ADK: variants seen among roughly 807,000 people sequenced by gnomAD.
ADK encodes adenosine kinase, also known as N6,N6-dimethyladenosine kinase.
A neutral mutation model predicts 44.7 loss-of-function variants in ADK; 24 were observed. The observed-to-expected ratio is 0.54, with a 90% CI of 0.39 to 0.76. The LOEUF (loss-of-function observed/expected upper bound fraction) is 0.76, where lower values mean the gene tolerates loss of function less well. ADK is among the 30% of genes least tolerant of loss of function. The pLI, the probability that ADK is intolerant of heterozygous loss-of-function variation, is 0.00. For missense variants in ADK, 321 were observed against 425.1 expected (o/e 0.76, Z 2.15); for synonymous variants, 128 against 142.6 (o/e 0.90, Z 0.73).
chr10:74,254,744 GT>G (rs1845764478), intron 3 of ADK, among the ~76,000 whole-genome samples: 1 of 151,904 alleles, frequency 6.6e-6, no homozygotes, highest in South Asian at 2.1e-4. Flanking sequence ...TTCTTTTTTT[GT>G]GTGTTTTTCC....
intron 4 of ADK, chr10:74,371,629 TC>T (rs1325730415): frequency 4.6e-5 from 46 of 1,007,354 alleles, no homozygotes; most frequent in East Asian, 1.9e-4. Context: ...AATCTTGACT[TC>T]CAGATGGAAC....
At chr10:74,559,755 T>G (rs1036005040) in intron 7 of ADK, among the ~76,000 whole-genome samples, 1 of 152,194 alleles carries the variant, frequency 6.6e-6, no homozygotes, top group Non-Finnish European at 1.5e-5. Flanking sequence ...TATCTTTTCA[T>G]ATTATAGTGC....
chr10:74,491,189 T>C (rs1214153071), intron 6 of ADK, among the ~76,000 whole-genome samples: 3 of 152,144 alleles, frequency 2.0e-5, no homozygotes, highest in African/African-American at 7.2e-5. Context: ...CAGTGTCTTA[T>C]AGGTGGAAGA....
At chr10:74,423,941 AT>A in intron 6 of ADK, 1 of 208,930 alleles carries the variant, frequency 4.8e-6, no homozygotes, top group Non-Finnish European at 1.0e-5. Context: ...ACAAGGCTGG[AT>A]TTGGCCACCA....
At chr10:74,455,323 G>A (rs977336243) in intron 6 of ADK, among the ~76,000 whole-genome samples, 1 of 151,912 alleles carries the variant, frequency 6.6e-6, no homozygotes, top group African/African-American at 2.4e-5. Flanking sequence ...GGGCAACATA[G>A]CAAGACCCCA....
intron 9 of ADK, among the ~76,000 whole-genome samples, chr10:74,610,487 G>A (rs564112584): frequency 1.3e-5 from 2 of 152,202 alleles, no homozygotes; most frequent in South Asian, 2.1e-4. Context: ...GTAAAGATGG[G>A]TAGTGATAAT....
Position 74,356,002 on chromosome 10 carries a change from A to ATATTT in ADK, c.274-38138_274-38137insATTTT, listed in dbSNP as rs57958159. On this transcript the variant is annotated intron_variant, in intron 4 of 10. Coordinates refer to ENST00000539909, the MANE Select transcript of ADK (RefSeq NM_006721.4). ...TCTGAAATATTTCACTAAATAATTC[A>ATATTT]TTTTTTTTTTTTTTTTTTTTTTTTT... Among the ~76,000 whole-genome samples, 18 of 83,296 alleles carry ATATTT rather than the reference A, an allele frequency of 2.2e-4. 3 individuals carry two copies. Among genetic ancestry groups the ATATTT allele is most frequent in the African/African-American group, 8.2e-4 (16 of 19,608 alleles). The allele number at this position is 83,296 out of a possible 152,430, so 54.6% of individuals were successfully genotyped here. A position where few individuals can be genotyped will look rare whatever the true frequency, so the allele number is the denominator to read the frequency against.
intron 9 of ADK, 70 bp from the exon 10 acceptor site, chr10:74,670,113 G>A (rs1855114529): frequency 6.6e-6 from 8 of 1,209,542 alleles, no homozygotes; most frequent in South Asian, 6.1e-5. Flanking sequence ...AGCTTCAGAT[G>A]TTACTGGGTG....
intron 3 of ADK, among the ~76,000 whole-genome samples, chr10:74,278,364 AT>A (rs1353212721): frequency 6.0e-5 from 7 of 116,880 alleles, no homozygotes; most frequent in African/African-American, 2.1e-4. Flanking sequence ...AAAAAAAAAA[AT>A]TAAAAAAAAA....
At chr10:74,154,631 C>T (rs746007340) in intron 1 of ADK, among the ~76,000 whole-genome samples, 15 of 152,094 alleles carry the variant, frequency 9.9e-5, no homozygotes, top group Non-Finnish European at 1.6e-4. Flanking sequence ...TCTGACATTT[C>T]GAAGTCATAT....
At chr10:74,176,552 T>G in intron 1 of ADK, 1 of 1,308,574 alleles carries the variant, frequency 7.6e-7, no homozygotes, top group Non-Finnish European at 9.8e-7. Flanking sequence ...CGGGACGCTG[T>G]TACTAGGACT....
intron 4 of ADK, among the ~76,000 whole-genome samples, chr10:74,317,353 T>C (rs1840659224): frequency 6.6e-6 from 1 of 152,210 alleles, no homozygotes; most frequent in East Asian, 1.9e-4. Context: ...TAATTGATGC[T>C]TTCTTAATGA....
intron 7 of ADK, among the ~76,000 whole-genome samples, chr10:74,558,011 A>G (rs1850323464): frequency 6.6e-6 from 1 of 152,156 alleles, no homozygotes; most frequent in Admixed American, 6.5e-5. Flanking sequence ...GGGTCAAGGT[A>G]TGAGAGCAAG....
intron 3 of ADK, among the ~76,000 whole-genome samples, chr10:74,243,032 A>G (rs1464177816): frequency 6.6e-6 from 1 of 152,190 alleles, no homozygotes; most frequent in Non-Finnish European, 1.5e-5. Context: ...CACGGAGTGC[A>G]GGTACCCAAA....
intron 6 of ADK, among the ~76,000 whole-genome samples, chr10:74,430,827 C>T (rs531098484): frequency 6.6e-6 from 1 of 151,790 alleles, no homozygotes; most frequent in Non-Finnish European, 1.5e-5. Context: ...AGCACAGAGG[C>T]CTTGAGAAGG....
At chr10:74,630,109 G>A (rs543996975) in intron 9 of ADK, among the ~76,000 whole-genome samples, 1 of 151,968 alleles carries the variant, frequency 6.6e-6, no homozygotes, top group Non-Finnish European at 1.5e-5. Context: ...AAAAAAAGTT[G>A]TAAAAATAGT....
At chr10:74,508,278 G>A (rs937614798) in intron 6 of ADK, 3 of 152,094 alleles carry the variant, frequency 2.0e-5, no homozygotes, top group African/African-American at 7.2e-5. Flanking sequence ...TTTGCTTTAT[G>A]TATATGTATT....
intron 1 of ADK, among the ~76,000 whole-genome samples, chr10:74,186,471 G>GC (rs1021909884): frequency 6.6e-6 from 1 of 151,722 alleles, no homozygotes; most frequent in African/African-American, 2.4e-5. Context: ...TTGTAACAAT[G>GC]CCGGGGGAGT....
intron 1 of ADK, among the ~76,000 whole-genome samples, chr10:74,157,193 G>C (rs1841769891): frequency 6.6e-6 from 1 of 152,150 alleles, no homozygotes; most frequent in Admixed American, 6.6e-5. Flanking sequence ...CTTGGAGGTC[G>C]TGGACTCTGG....
Sources: allele counts gnomAD v4.1 joint callset (sites outside exome capture counted in the v4.1 genomes callset), GRCh38; gene constraint gnomAD v4.1.1; transcripts MANE v1.5; gene names NCBI Gene and HGNC (gene_info 2026-07-23, HGNC 2026-07-21).